MYO1B: variants seen among roughly 807,000 people sequenced by gnomAD.
The protein encoded by MYO1B is unconventional myosin-Ib.
MYO1B carries 72 observed loss-of-function variants against 159.7 expected under a neutral mutation model. The observed-to-expected ratio is 0.45, with a 90% confidence interval of 0.37 to 0.55. MYO1B has a LOEUF of 0.55. Among genes scored for constraint, MYO1B ranks in the 20% least tolerant of loss-of-function variants. MYO1B has a pLI of 0.00. For synonymous variants in MYO1B, 468 were observed against 473.8 expected, an observed-to-expected ratio of 0.99 and a Z score of 0.16; for missense variants, 1,062 against 1,364.8, an observed-to-expected ratio of 0.78 and a Z score of 3.50.
At chr2:191,272,157 TA>T (rs1287529075) in intron 1 of MYO1B, among the ~76,000 whole-genome samples, 4 of 152,086 alleles carry the variant, frequency 2.6e-5, no homozygotes, top group African/African-American at 9.7e-5. Context: ...TGAGAGTAGA[TA>T]GGGGAAGGAA....
intron 1 of MYO1B, among the ~76,000 whole-genome samples, chr2:191,258,722 C>G (rs189480284): frequency 6.6e-6 from 1 of 152,284 alleles, no homozygotes; most frequent in African/African-American, 2.4e-5. Flanking sequence ...TTCATACACA[C>G]TAATACTGTG....
intron 7 of MYO1B, among the ~76,000 whole-genome samples, chr2:191,354,338 T>A (rs1008308677): frequency 9.9e-5 from 15 of 151,328 alleles, no homozygotes; most frequent in Non-Finnish European, 8.8e-5. Context: ...GAATGAATGA[T>A]CACAAAAGTA....
chr2:191,257,942 T>G lies in MYO1B; in HGVS notation c.-10+12316T>G, dbSNP rs147493099. 5.7e-4 allele frequency among the ~76,000 whole-genome samples: 87 copies of G among 152,348 alleles called. 1 individual carries two copies. The East Asian group carries it at 0.013, about 23-fold the overall frequency. On this transcript the variant is annotated intron_variant, in intron 1 of 30. Coordinates refer to ENST00000392318, the MANE Select transcript of MYO1B (RefSeq NM_001130158.3). ...ATTTATGATAGTTCTTTTTCTGCTT[T>G]AAGGAAGTCTGGGACAATTACAGTA... is the stretch of plus-strand genomic sequence containing the variant.
intron 1 of MYO1B, chr2:191,263,468 A>G (rs1314476810): frequency 2.0e-5 from 5 of 256,034 alleles, no homozygotes; most frequent in Non-Finnish European, 3.1e-5. Flanking sequence ...CTACCCACCT[A>G]TTGAGAGACA....
At chr2:191,260,254 C>CTTTTTTTTTTTTTTTTTTTTTTTT (rs57237733) in intron 1 of MYO1B, among the ~76,000 whole-genome samples, 684 of 60,900 alleles carry the variant, frequency 0.011, 244 homozygotes, top group East Asian at 0.055. Context: ...CCCAGATAGG[C>CTTTTTTTTTTTTTTTTTTTTTTTT]TTTTTTTTTT....
intron 7 of MYO1B, among the ~76,000 whole-genome samples, chr2:191,357,222 C>G (rs985664397): frequency 1.3e-5 from 2 of 152,238 alleles, no homozygotes; most frequent in East Asian, 1.9e-4. Context: ...GTAGGTGCAG[C>G]CTTAGACTAT....
At chr2:191,247,103 G>A (rs1380338756) in intron 1 of MYO1B, among the ~76,000 whole-genome samples, 1 of 152,218 alleles carries the variant, frequency 6.6e-6, no homozygotes, top group Non-Finnish European at 1.5e-5. Flanking sequence ...TGTTTTGGGA[G>A]GAGGCTGACA....
intron 2 of MYO1B, among the ~76,000 whole-genome samples, chr2:191,287,123 A>G (rs940913516): frequency 7.2e-5 from 11 of 152,108 alleles, no homozygotes; most frequent in African/African-American, 2.7e-4. Flanking sequence ...AATAGGTAAT[A>G]TTTATGGAAT....
chr2:191,364,338 G>A (rs1410906354), intron 11 of MYO1B, 62 bp downstream of exon 11: 19 of 1,337,028 alleles, frequency 1.4e-5, no homozygotes, highest in Admixed American at 3.4e-5. Context: ...TTTCATATAA[G>A]TATAAACAAA....
Position 191,414,630 on chromosome 2 carries a change from C to T in MYO1B, c.3120C>T (p.Ser1040=), listed in dbSNP as rs1462316590. 6.2e-7 allele frequency: 1 copy of T among 1,612,770 alleles called. No individual in the cohort carries two copies. ...PLVDVTKVSM[S]SQNDGFFAVH... is the part of the protein sequence containing the mutation. ...TGGATGTGACCAAGGTATCAATGAG[C>T]TCACAAAATGATGGCTTCTTCGCCG... is the stretch of plus-strand genomic sequence containing the variant. The change falls in exon 29 of 31, where the codon AGC becomes AGT. Residue 1040 remains serine (S), a synonymous_variant. Coordinates refer to ENST00000392318, the MANE Select transcript of MYO1B (RefSeq NM_001130158.3).
At position 191,337,592 on chromosome 2, in the gene MYO1B, T is replaced by C. The variant is rs536890064; in HGVS notation, c.347-3869T>C. On this transcript the variant is annotated intron_variant, in intron 4 of 30. Coordinates refer to ENST00000392318, the MANE Select transcript of MYO1B (RefSeq NM_001130158.3). ...ATTTTGACCCCAGAGGCTTCATATA[T>C]TTTGTTAGTCCAGCTGTTGATGAAT... Among the ~76,000 whole-genome samples, 3 of 152,290 alleles carry C rather than the reference T, an allele frequency of 2.0e-5. No individual in the cohort carries two copies. The South Asian group carries it at 6.2e-4, about 32-fold the overall frequency.
chr2:191,350,819 C>A (rs200096191), intron 7 of MYO1B, among the ~76,000 whole-genome samples: 125 of 148,582 alleles, frequency 8.4e-4, no homozygotes, highest in African/African-American at 2.3e-3. Context: ...AAAAAAAAAA[C>A]AAAAAAAACA....
chr2:191,413,746 A>G (rs958020512), intron 27 of MYO1B, among the ~76,000 whole-genome samples: 4 of 152,158 alleles, frequency 2.6e-5, no homozygotes, highest in Non-Finnish European at 4.4e-5. Context: ...GAGGCCATGT[A>G]CTTGAGTCTT....
Position 191,396,486 on chromosome 2 carries a change from C to T in MYO1B, c.2284C>T (p.Arg762Trp), listed in dbSNP as rs546152958. The change falls in exon 21 of 31, where the codon CGG (arginine) becomes TGG (tryptophan). Residue 762 changes from arginine (R) to tryptophan (W), a missense_variant. Transcript: ENST00000392318. Reference sequence around the variant, plus strand: ...CGCCTTAGTAATTCAGTCTTATATCCGGGGTTGGAAGGTGAGTTTAAAAGA... The same window carrying T: ...CGCCTTAGTAATTCAGTCTTATATCTGGGGTTGGAAGGTGAGTTTAAAAGA... ...SSALVIQSYI[R>W]GWKARKILRE... is the part of the protein sequence containing the mutation. 169 of 1,613,984 alleles carry T rather than the reference C, an allele frequency of 1.0e-4. 5 individuals are homozygous for T. The South Asian group carries it at 1.6e-3, about 16-fold the overall frequency.
At chr2:191,338,073 T>C (rs1691971297) in intron 4 of MYO1B, among the ~76,000 whole-genome samples, 1 of 152,172 alleles carries the variant, frequency 6.6e-6, no homozygotes, top group South Asian at 2.1e-4. Context: ...TCCTTACTGG[T>C]TTATTAATTT....
At chr2:191,325,574 G>A (rs1474517514) in intron 3 of MYO1B, among the ~76,000 whole-genome samples, 1 of 152,038 alleles carries the variant, frequency 6.6e-6, no homozygotes, top group Non-Finnish European at 1.5e-5. Context: ...GAAACATGGG[G>A]CCATGTTTGA....
chr2:191,381,569 A>G lies in MYO1B; in HGVS notation c.1290+3A>G, dbSNP rs1352892143. The G allele has an allele frequency of 6.3e-7, 1 of 1,582,504 alleles. No homozygotes were observed. Among genetic ancestry groups the G allele is most frequent in the Non-Finnish European group, 8.7e-7 (1 of 1,154,116 alleles). On this transcript the variant is annotated splice_donor_region_variant and intron_variant, in intron 14 of 30. Coordinates refer to ENST00000392318, the MANE Select transcript of MYO1B (RefSeq NM_001130158.3). ...AGCAGGAGGAGTATATACGGGAGGT[A>G]ATGTTGAAATGCTATTTTTAAAAGT... is the stretch of plus-strand genomic sequence containing the variant.
chr2:191,381,614 T>C lies in MYO1B; in HGVS notation c.1290+48T>C, dbSNP rs754396703. The C allele has an allele frequency of 1.2e-5, 16 of 1,323,254 alleles. No individual in the cohort carries two copies. The Admixed American group carries it at 2.8e-4, about 23-fold the overall frequency. The allele number at this position is 1,323,254 out of a possible 1,614,324, so 82.0% of individuals were successfully genotyped here. On this transcript the variant is annotated intron_variant, in intron 14 of 30. Coordinates refer to ENST00000392318, the MANE Select transcript of MYO1B (RefSeq NM_001130158.3). ...AAAAGTGTTGGTCCTTTTTTACTCG[T>C]AATATAAATTCTAATTCAGAAGATA...
intron 2 of MYO1B, among the ~76,000 whole-genome samples, chr2:191,279,899 C>G (rs1020724659): frequency 7.2e-5 from 11 of 152,002 alleles, no homozygotes; most frequent in African/African-American, 2.4e-4. Context: ...GATAAGGGGG[C>G]CAGTGAACAG....
Sources: gnomAD v4.1 joint callset for allele counts (sites outside exome capture counted in the v4.1 genomes callset) on GRCh38, gnomAD v4.1.1 for gene constraint, MANE v1.5 for transcripts, NCBI Gene and HGNC (gene_info 2026-07-23, HGNC 2026-07-21) for gene names.